CSMD1: variants seen among roughly 807,000 people sequenced by gnomAD.
CSMD1 encodes CUB and Sushi multiple domains 1.
Under a neutral mutation model 417.5 loss-of-function variants are expected in CSMD1, and 213 were observed. That is an observed-to-expected ratio of 0.51 (90% CI 0.46 to 0.57). The LOEUF (loss-of-function observed/expected upper bound fraction) is 0.57, where lower values mean the gene tolerates loss of function less well. CSMD1 is among the 20% of genes least tolerant of loss of function. The pLI, the probability that CSMD1 is intolerant of heterozygous loss-of-function variation, is 0.00. For missense variants in CSMD1, 6,923 were observed against 4,529.7 expected, an observed-to-expected ratio of 1.53 and a Z score of -15.17; for synonymous variants, 2,862 against 1,736.8, an observed-to-expected ratio of 1.65 and a Z score of -16.11.
At chr8:4,369,677 C>G (rs1436411959) in intron 3 of CSMD1, among the ~76,000 whole-genome samples, 2 of 152,088 alleles carry the variant, frequency 1.3e-5, no homozygotes, top group Non-Finnish European at 2.9e-5. Context: ...GAGTTGAGCC[C>G]TTTATCATTA....
At chr8:4,596,183 G>A (rs17070727) in intron 2 of CSMD1, among the ~76,000 whole-genome samples, 17,125 of 152,082 alleles carry the variant, frequency 0.11, 1,067 homozygotes, top group African/African-American at 0.14. Flanking sequence ...TATACCCACT[G>A]ACATCAAGTA....
intron 26 of CSMD1, among the ~76,000 whole-genome samples, chr8:3,281,857 A>T (rs1802766299): frequency 6.6e-6 from 1 of 152,106 alleles, no homozygotes; most frequent in Non-Finnish European, 1.5e-5. Context: ...TGATTGGATC[A>T]TGGGGGTAGT....
chr8:4,373,083 G>T (rs576702862), intron 3 of CSMD1, among the ~76,000 whole-genome samples: 1 of 152,208 alleles, frequency 6.6e-6, no homozygotes, highest in East Asian at 1.9e-4. Flanking sequence ...TTACCTGTGT[G>T]GTCTGTCTCC....
intron 1 of CSMD1, among the ~76,000 whole-genome samples, chr8:4,834,166 T>G (rs904352951): frequency 6.6e-6 from 1 of 152,160 alleles, no homozygotes; most frequent in Non-Finnish European, 1.5e-5. Context: ...AAAACAAGGA[T>G]GTGTTATGTC....
intron 26 of CSMD1, among the ~76,000 whole-genome samples, chr8:3,266,239 C>G (rs569822244): frequency 6.6e-6 from 1 of 150,868 alleles, no homozygotes; most frequent in East Asian, 2.0e-4. Context: ...CCGGGATGAT[C>G]ATGAAAACCT....
At chr8:4,177,041 G>C (rs925962608) in intron 3 of CSMD1, among the ~76,000 whole-genome samples, 2 of 152,020 alleles carry the variant, frequency 1.3e-5, no homozygotes, top group Non-Finnish European at 2.9e-5. Context: ...AGTCAACAAG[G>C]ATATCCAGGA....
intron 5 of CSMD1, among the ~76,000 whole-genome samples, chr8:3,929,692 C>T (rs1810006737): frequency 1.3e-5 from 2 of 148,194 alleles, no homozygotes; most frequent in African/African-American, 5.0e-5. Flanking sequence ...GATGGAGTTT[C>T]ACTCTGTCTC....
chr8:4,524,028 T>G (rs1803635948), intron 2 of CSMD1, among the ~76,000 whole-genome samples: 2 of 152,236 alleles, frequency 1.3e-5, no homozygotes, highest in East Asian at 1.9e-4. Flanking sequence ...ACATTAAATG[T>G]AGTTTCTGAT....
rs752666817 is a variant in CSMD1 at position 3,874,722 on chromosome 8, C to G, written c.819-120680G>C. Reference sequence around the variant, plus strand: ...CTACAACAAATGCGACTGGCGCCCACTGCTCTTGGCAATGGAGGTGAGAAC... The same window carrying G: ...CTACAACAAATGCGACTGGCGCCCAGTGCTCTTGGCAATGGAGGTGAGAAC... On this transcript the variant is annotated intron_variant, in intron 5 of 69. Transcript: ENST00000635120. Among the ~76,000 whole-genome samples the G allele has an allele frequency of 5.9e-5, 9 of 152,224 alleles. No homozygotes were observed. In the Middle Eastern group the frequency reaches 0.01, roughly 173 times the overall value.
At chr8:4,565,563 T>G (rs957749596) in intron 2 of CSMD1, among the ~76,000 whole-genome samples, 1 of 151,800 alleles carries the variant, frequency 6.6e-6, no homozygotes, top group Non-Finnish European at 1.5e-5. Flanking sequence ...GGTGAAACCC[T>G]GTCTCTACAA....
chr8:4,001,026 T>C (rs1057419485), intron 4 of CSMD1, among the ~76,000 whole-genome samples: 2 of 146,556 alleles, frequency 1.4e-5, no homozygotes, highest in African/African-American at 5.1e-5. Flanking sequence ...AATCCCCCCT[T>C]TCAATGTTTC....
intron 1 of CSMD1, among the ~76,000 whole-genome samples, chr8:4,852,871 T>C (rs1026150075): frequency 1.3e-5 from 2 of 152,160 alleles, no homozygotes; most frequent in African/African-American, 2.4e-5. Flanking sequence ...CTTGGTTGCA[T>C]TGTTTTCAGG....
At chr8:4,243,342 A>T (rs999125020) in intron 3 of CSMD1, among the ~76,000 whole-genome samples, 1 of 152,154 alleles carries the variant, frequency 6.6e-6, no homozygotes, top group African/African-American at 2.4e-5. Flanking sequence ...TAAAGCTTTG[A>T]AAACCTATGC....
intron 7 of CSMD1, among the ~76,000 whole-genome samples, chr8:3,666,111 G>C (rs920978792): frequency 1.3e-5 from 2 of 152,248 alleles, no homozygotes; most frequent in East Asian, 1.9e-4. Flanking sequence ...GGCCAGGCTG[G>C]TCTTGAACTT....
chr8:4,321,737 T>C (rs996747380), intron 3 of CSMD1, among the ~76,000 whole-genome samples: 9 of 152,288 alleles, frequency 5.9e-5, no homozygotes, highest in African/African-American at 2.2e-4. Context: ...ATTATTACTA[T>C]ACGATTAAGA....
At chr8:3,194,020 A>G (rs749515283) in intron 33 of CSMD1, among the ~76,000 whole-genome samples, 2 of 152,206 alleles carry the variant, frequency 1.3e-5, no homozygotes, top group Non-Finnish European at 2.9e-5. Flanking sequence ...TGATGTAGTG[A>G]CTGAGGGACA....
intron 3 of CSMD1, among the ~76,000 whole-genome samples, chr8:4,101,100 G>A (rs1192991479): frequency 2.0e-5 from 3 of 152,136 alleles, no homozygotes; most frequent in African/African-American, 2.4e-5. Flanking sequence ...TGCATCTACC[G>A]GTTAACCAGC....
chr8:3,384,714 ATT>A (rs1360271041), intron 18 of CSMD1, among the ~76,000 whole-genome samples: 1 of 63,518 alleles, frequency 1.6e-5, no homozygotes, highest in Non-Finnish European at 2.9e-5. Flanking sequence ...ATATAAATAT[ATT>A]TATAATATTT....
chr8:3,195,503 A>G (rs1194161999), intron 33 of CSMD1, among the ~76,000 whole-genome samples: 4 of 152,240 alleles, frequency 2.6e-5, no homozygotes, highest in Non-Finnish European at 5.9e-5. Flanking sequence ...AGTTACTAAG[A>G]AACAGTTTGT....
Sources: allele counts gnomAD v4.1 joint callset (sites outside exome capture counted in the v4.1 genomes callset), GRCh38; gene constraint gnomAD v4.1.1; transcripts MANE v1.5; gene names NCBI Gene and HGNC (gene_info 2026-07-23, HGNC 2026-07-21).